The following SIN3A variants were observed in gnomAD, a reference collection of about 807,000 sequenced individuals.
SIN3A encodes the protein paired amphipathic helix protein Sin3a.
SIN3A carries 14 observed loss-of-function variants against 146.1 expected under a neutral mutation model. The ratio of observed to expected loss-of-function variants is 0.10; its 90% CI spans 0.06 to 0.15. SIN3A has a LOEUF of 0.15. Ranked by LOEUF, SIN3A falls within the 10% of genes least tolerant of loss-of-function variation. SIN3A has a pLI of 1.00. For missense variants in SIN3A, 1,028 were observed against 1,576.0 expected, an observed-to-expected ratio of 0.65 and a Z score of 5.89; for synonymous variants, 572 against 572.0, an observed-to-expected ratio of 1.00 and a Z score of 0.00.
chr15:75,425,827 C>T (rs2073914880), intron 2 of SIN3A, among the ~76,000 whole-genome samples: 1 of 152,072 alleles, frequency 6.6e-6, no homozygotes, highest in African/African-American at 2.4e-5. Context: ...TTTTATACCA[C>T]AATTTAAGAG....
intron 16 of SIN3A, among the ~76,000 whole-genome samples, chr15:75,387,674 A>C (rs1251817340): frequency 6.6e-6 from 1 of 151,930 alleles, no homozygotes; most frequent in Non-Finnish European, 1.5e-5. Flanking sequence ...CCAACCTCAG[A>C]ATTATTAAAA....
chr15:75,380,457 T>C (rs529755340), intron 19 of SIN3A, among the ~76,000 whole-genome samples, 172 bp downstream of exon 19: 1 of 152,308 alleles, frequency 6.6e-6, no homozygotes, highest in South Asian at 2.1e-4. Flanking sequence ...CTTTGACACA[T>C]GCTCCAGGTA....
upstream of SIN3A, among the ~76,000 whole-genome samples, chr15:75,455,446 T>C (rs1265867728): frequency 2.0e-5 from 3 of 151,950 alleles, no homozygotes. Flanking sequence ...GCCCGCCCCT[T>C]CTCCAGTCCG....
At chr15:75,408,759 C>CA (rs1441087250) in intron 8 of SIN3A, among the ~76,000 whole-genome samples, 3 of 152,220 alleles carry the variant, frequency 2.0e-5, no homozygotes, top group Non-Finnish European at 4.4e-5. Flanking sequence ...GGTAACCCAA[C>CA]AAAGAACTTT....
At position 75,400,175 on chromosome 15, in the gene SIN3A, A is replaced by G. The variant is rs1202603901; in HGVS notation, c.1738-19T>C. 1 of 1,392,428 alleles carries G rather than the reference A, an allele frequency of 7.2e-7. No homozygotes were observed. The highest frequency in any genetic ancestry group is 1.2e-5 in the South Asian group (1 of 82,808). 86.3% of individuals were successfully genotyped at this position (1,392,428 alleles called of 1,614,324 possible). ...TTAAAACCTTTGGGTAGAAGAAGAG[A>G]GACTGAAACAAAAGCCTAAAAAAGC... On this transcript the variant is annotated intron_variant, in intron 11 of 20. Transcript: ENST00000394947.
At chr15:75,410,599 G>T (rs2073615837) in intron 6 of SIN3A, among the ~76,000 whole-genome samples, 1 of 151,862 alleles carries the variant, frequency 6.6e-6, no homozygotes. Context: ...ACCATGCCCG[G>T]CCTAGGGCAA....
chr15:75,446,664 A>C (rs181108468), intron 1 of SIN3A, among the ~76,000 whole-genome samples: 311 of 151,432 alleles, frequency 2.1e-3, no homozygotes, highest in African/African-American at 7.1e-3. Flanking sequence ...GCTAATTTTT[A>C]ATTTTTTTAT....
At chr15:75,399,362 A>G (rs1435903417) in intron 12 of SIN3A, among the ~76,000 whole-genome samples, 1 of 152,130 alleles carries the variant, frequency 6.6e-6, no homozygotes, top group Non-Finnish European at 1.5e-5. Context: ...CTCCGTCTCT[A>G]ATAAAAATAC....
intron 1 of SIN3A, among the ~76,000 whole-genome samples, chr15:75,451,154 A>C (rs1315293408): frequency 4.1e-5 from 6 of 147,858 alleles, no homozygotes; most frequent in East Asian, 2.1e-4. Context: ...TTTCTCCACA[A>C]TCGCACGCGC....
chr15:75,444,435 A>G (rs531808724), intron 1 of SIN3A, among the ~76,000 whole-genome samples: 2 of 152,308 alleles, frequency 1.3e-5, no homozygotes, highest in Non-Finnish European at 2.9e-5. Flanking sequence ...ACAAGACCGC[A>G]TCTCAAAAAT....
chr15:75,379,044 C>T (rs1401887021), intron 19 of SIN3A, among the ~76,000 whole-genome samples: 5 of 152,040 alleles, frequency 3.3e-5, no homozygotes, highest in African/African-American at 9.6e-5. Flanking sequence ...GGACTACAGG[C>T]GCCTGCCACC....
At chr15:75,410,975 CAAAA>C in intron 6 of SIN3A, among the ~76,000 whole-genome samples, 1 of 127,752 alleles carries the variant, frequency 7.8e-6, no homozygotes, top group Non-Finnish European at 1.7e-5. Flanking sequence ...AACTCTGTCT[CAAAA>C]AAAAAAAAAA....
At chr15:75,442,143 A>AAAC (rs1377726746) in intron 1 of SIN3A, among the ~76,000 whole-genome samples, 1 of 148,930 alleles carries the variant, frequency 6.7e-6, no homozygotes, top group South Asian at 2.1e-4. Context: ...AAAAAAAAAA[A>AAAC]AAAAAAAAAA....
At chr15:75,432,822 C>T (rs776588192) in intron 1 of SIN3A, among the ~76,000 whole-genome samples, 6 of 152,000 alleles carry the variant, frequency 3.9e-5, no homozygotes, top group Non-Finnish European at 8.8e-5. Flanking sequence ...GTGGGTGGAT[C>T]ACCTGAAGTC....
At chr15:75,373,648 G>A (rs2072797960) in intron 20 of SIN3A, among the ~76,000 whole-genome samples, 2 of 151,550 alleles carry the variant, frequency 1.3e-5, no homozygotes, top group Non-Finnish European at 2.9e-5. Flanking sequence ...AGTGGCTCAC[G>A]CCTGTAATCC....
chr15:75,405,263 G>A (rs901573960), intron 9 of SIN3A, among the ~76,000 whole-genome samples: 5 of 151,476 alleles, frequency 3.3e-5, no homozygotes, highest in Non-Finnish European at 7.4e-5. Flanking sequence ...CTACTCAGGA[G>A]GCTGAGGCAG....
chr15:75,400,421 A>G (rs2073389409), intron 11 of SIN3A, among the ~76,000 whole-genome samples: 1 of 152,100 alleles, frequency 6.6e-6, no homozygotes, highest in South Asian at 2.1e-4. Flanking sequence ...ACAAAACTAA[A>G]AACTTTTATT....
At chr15:75,449,472 C>G (rs770609590) in intron 1 of SIN3A, among the ~76,000 whole-genome samples, 1 of 152,118 alleles carries the variant, frequency 6.6e-6, no homozygotes, top group Non-Finnish European at 1.5e-5. Context: ...TAATTTCTCT[C>G]AATAGGAAAA....
intron 1 of SIN3A, among the ~76,000 whole-genome samples, chr15:75,433,574 G>A (rs1346396926): frequency 6.6e-6 from 1 of 151,968 alleles, no homozygotes; most frequent in Non-Finnish European, 1.5e-5. Context: ...CCACTCATAG[G>A]CCGGGCGTGG....
Sources: allele counts gnomAD v4.1 joint callset (sites outside exome capture counted in the v4.1 genomes callset), GRCh38; gene constraint gnomAD v4.1.1; transcripts MANE v1.5; gene names NCBI Gene and HGNC (gene_info 2026-07-23, HGNC 2026-07-21).